Variants in LRRC4C observed in about 807,000 individuals in gnomAD.
LRRC4C encodes leucine rich repeat containing 4C.
Under a neutral mutation model 33.6 loss-of-function variants are expected in LRRC4C, and 5 were observed. That is an observed-to-expected ratio of 0.15 (90% confidence interval 0.08 to 0.31). The LOEUF (loss-of-function observed/expected upper bound fraction) is 0.31. Among genes scored for constraint, LRRC4C ranks in the 10% least tolerant of loss-of-function variants. The pLI is 1.00. For synonymous variants in LRRC4C, 329 were observed against 302.0 expected, an observed-to-expected ratio of 1.09 and a Z score of -0.93; for missense variants, 560 against 796.7, an observed-to-expected ratio of 0.70 and a Z score of 3.58.
chr11:41,265,430 A>G (rs7116325), intron 1 of LRRC4C, among the ~76,000 whole-genome samples: 27,961 of 152,070 alleles, frequency 0.18, 3,136 homozygotes, highest in East Asian at 0.44. Context: ...ACTAAAATTA[A>G]GAATAGGGGA....
At chr11:41,228,309 G>C (rs1335356477) in intron 1 of LRRC4C, among the ~76,000 whole-genome samples, 1 of 152,026 alleles carries the variant, frequency 6.6e-6, no homozygotes, top group African/African-American at 2.4e-5. Context: ...ACAATCTATA[G>C]ATTCTAATTC....
At chr11:40,652,097 G>A (rs1942841930) in intron 2 of LRRC4C, among the ~76,000 whole-genome samples, 1 of 152,062 alleles carries the variant, frequency 6.6e-6, no homozygotes. Flanking sequence ...TTTCCTGAAA[G>A]CCACAAACAT....
intron 2 of LRRC4C, among the ~76,000 whole-genome samples, chr11:40,765,742 G>A (rs779414795): frequency 7.9e-5 from 12 of 151,546 alleles, no homozygotes; most frequent in Admixed American, 1.3e-4. Context: ...AGAAAGAACT[G>A]CTGATCTTGA....
In LRRC4C at chr11:40,701,633, A is replaced by AATAT. The variant is rs144774706; in HGVS notation, c.-406-53359_-406-53356dup. On this transcript the variant is annotated intron_variant, in intron 2 of 6. Transcript: ENST00000528697. ...TATATATGTATACATATATACATGA[A>AATAT]ATATATATATATATAAAACATAAAG... Among the ~76,000 whole-genome samples, 9 of 148,050 alleles carry AATAT rather than the reference A, an allele frequency of 6.1e-5. No individual in the cohort carries two copies. In the South Asian group the frequency reaches 1.7e-3, roughly 28 times the overall value.
chr11:40,621,249 C>CT (rs886975381), intron 3 of LRRC4C, among the ~76,000 whole-genome samples: 16 of 150,662 alleles, frequency 1.1e-4, no homozygotes, highest in South Asian at 2.1e-4. Context: ...TTTAATGGTT[C>CT]TTTTTTTTTA....
chr11:41,353,240 C>G (rs1215541922), intron 1 of LRRC4C, among the ~76,000 whole-genome samples: 10 of 151,978 alleles, frequency 6.6e-5, no homozygotes, highest in Admixed American at 6.6e-4. Context: ...ATTATGAACA[C>G]CACTGTGCAC....
chr11:41,448,198 T>A (rs956513161), intron 1 of LRRC4C, among the ~76,000 whole-genome samples: 1 of 146,748 alleles, frequency 6.8e-6, no homozygotes, highest in Non-Finnish European at 1.5e-5. Flanking sequence ...GAGAAATGAT[T>A]ACCCCTTAAT....
chr11:40,730,403 T>C (rs893101093), intron 2 of LRRC4C, among the ~76,000 whole-genome samples: 37 of 152,332 alleles, frequency 2.4e-4, no homozygotes, highest in South Asian at 2.1e-4. Flanking sequence ...TGGATCTTAA[T>C]ATATTCTTCA....
chr11:40,938,392 A>G (rs1957999590), intron 1 of LRRC4C, among the ~76,000 whole-genome samples: 1 of 152,168 alleles, frequency 6.6e-6, no homozygotes, highest in Non-Finnish European at 1.5e-5. Context: ...CAGCTATAAA[A>G]TATGCCTATA....
intron 1 of LRRC4C, among the ~76,000 whole-genome samples, chr11:40,938,520 G>A (rs1958007922): frequency 6.6e-6 from 1 of 152,042 alleles, no homozygotes. Context: ...ACATTATGTG[G>A]CATATTTTGA....
chr11:40,700,919 T>A (rs1030976018), intron 2 of LRRC4C, among the ~76,000 whole-genome samples: 1 of 152,186 alleles, frequency 6.6e-6, no homozygotes, highest in African/African-American at 2.4e-5. Context: ...CAAACTCAAA[T>A]TATTGACTTC....
chr11:41,191,531 C>A (rs919220806), intron 1 of LRRC4C, among the ~76,000 whole-genome samples: 3 of 152,146 alleles, frequency 2.0e-5, no homozygotes, highest in Non-Finnish European at 1.5e-5. Flanking sequence ...TATAGTGACT[C>A]TGTTCAATTG....
chr11:40,503,235 C>T (rs998223500), intron 3 of LRRC4C, among the ~76,000 whole-genome samples: 3 of 152,180 alleles, frequency 2.0e-5, no homozygotes, highest in Non-Finnish European at 4.4e-5. Flanking sequence ...TTCCTACAGA[C>T]CCCAGGACAG....
intron 2 of LRRC4C, among the ~76,000 whole-genome samples, chr11:40,834,951 G>C (rs940126103): frequency 1.5e-4 from 5 of 34,006 alleles, no homozygotes; most frequent in Non-Finnish European, 5.9e-4. Context: ...CACACACACA[G>C]CTGAGCAACC....
intron 3 of LRRC4C, among the ~76,000 whole-genome samples, chr11:40,598,188 T>C (rs1201031410): frequency 6.6e-6 from 1 of 152,208 alleles, no homozygotes; most frequent in Non-Finnish European, 1.5e-5. Context: ...AGCATCACTT[T>C]TACTCTTTTT....
chr11:40,235,409 C>T (rs9300032), intron 5 of LRRC4C, among the ~76,000 whole-genome samples: 116,231 of 152,190 alleles, frequency 0.76, 48,757 homozygotes, highest in East Asian at 0.96. Flanking sequence ...CATACTTCCT[C>T]TCCAGATTTA....
chr11:41,116,477 C>A (rs1238369409), intron 1 of LRRC4C, among the ~76,000 whole-genome samples: 1 of 151,994 alleles, frequency 6.6e-6, no homozygotes, highest in Non-Finnish European at 1.5e-5. Flanking sequence ...AGAGAAAGAG[C>A]AATTGAAGGT....
chr11:41,297,125 T>G (rs945098857), intron 1 of LRRC4C, among the ~76,000 whole-genome samples: 7 of 152,232 alleles, frequency 4.6e-5, no homozygotes, highest in African/African-American at 1.7e-4. Flanking sequence ...TTTCTTTCTC[T>G]GTCAATTGAG....
At chr11:40,381,857 A>G (rs1180224589) in intron 3 of LRRC4C, among the ~76,000 whole-genome samples, 2 of 152,072 alleles carry the variant, frequency 1.3e-5, no homozygotes, top group African/African-American at 4.8e-5. Flanking sequence ...TTCATTGTGT[A>G]AATAATCAAT....
Sources: gnomAD v4.1 joint callset for allele counts (sites outside exome capture counted in the v4.1 genomes callset) on GRCh38, gnomAD v4.1.1 for gene constraint, MANE v1.5 for transcripts, NCBI Gene and HGNC (gene_info 2026-07-23, HGNC 2026-07-21) for gene names.